The following SCLT1 variants were observed in gnomAD, a reference collection of about 807,000 sequenced individuals.
SCLT1 encodes the protein sodium channel and clathrin linker 1, also known as sodium channel-associated protein 1.
A neutral mutation model predicts 112.8 loss-of-function variants in SCLT1; 78 were observed. That is an observed-to-expected ratio of 0.69 (90% CI 0.58 to 0.83). The LOEUF (loss-of-function observed/expected upper bound fraction) is 0.83, where lower values mean the gene tolerates loss of function less well. Among genes scored for constraint, SCLT1 ranks in the 40% least tolerant of loss-of-function variants. SCLT1 has a pLI of 0.00. For synonymous variants in SCLT1, 257 were observed against 254.7 expected, an observed-to-expected ratio of 1.01 and a Z score of -0.09; for missense variants, 747 against 770.4, an observed-to-expected ratio of 0.97 and a Z score of 0.36.
At chr4:128,991,209 T>A (rs769851585) in intron 9 of SCLT1, among the ~76,000 whole-genome samples, 23 of 151,904 alleles carry the variant, frequency 1.5e-4, no homozygotes, top group Non-Finnish European at 2.4e-4. Context: ...CAAAACAGAA[T>A]GGTACTGGCA....
At chr4:129,063,006 C>A (rs1358791314) in intron 2 of SCLT1, among the ~76,000 whole-genome samples, 1 of 152,166 alleles carries the variant, frequency 6.6e-6, no homozygotes, top group East Asian at 1.9e-4. Flanking sequence ...CTGAGACTCT[C>A]ACAATCTGTG....
chr4:129,064,391 T>C (rs1486521416), intron 2 of SCLT1, among the ~76,000 whole-genome samples: 1 of 152,150 alleles, frequency 6.6e-6, no homozygotes, highest in African/African-American at 2.4e-5. Context: ...TCAAAAATTC[T>C]TTTTCTAGCT....
intron 1 of SCLT1, among the ~76,000 whole-genome samples, chr4:129,087,620 G>T (rs957799144): frequency 2.6e-5 from 4 of 151,684 alleles, no homozygotes; most frequent in East Asian, 3.9e-4. Context: ...CAGGTGCAGT[G>T]GCACATGCCT....
chr4:129,068,424 T>C (rs1275973452), intron 2 of SCLT1, among the ~76,000 whole-genome samples: 1 of 152,128 alleles, frequency 6.6e-6, no homozygotes, highest in Non-Finnish European at 1.5e-5. Context: ...CTTGCAGGAG[T>C]AAGGTGGTAT....
intron 9 of SCLT1, among the ~76,000 whole-genome samples, chr4:128,973,492 GAGGGA>G (rs1740878758): frequency 2.6e-5 from 4 of 150,976 alleles, no homozygotes; most frequent in East Asian, 2.0e-4. Flanking sequence ...GAGAGAGGGA[GAGGGA>G]AAGAGAGGGA....
chr4:128,932,443 T>A (rs1474952751), intron 18 of SCLT1, among the ~76,000 whole-genome samples: 1 of 152,166 alleles, frequency 6.6e-6, no homozygotes, highest in Non-Finnish European at 1.5e-5. Flanking sequence ...ACATATTTCC[T>A]ACCCAAAATA....
At chr4:128,923,698 G>C (rs1736062570) in intron 18 of SCLT1, among the ~76,000 whole-genome samples, 1 of 151,052 alleles carries the variant, frequency 6.6e-6, no homozygotes, top group Admixed American at 6.6e-5. Flanking sequence ...TCAGTGGTTT[G>C]TTCCTTTTTA....
At chr4:128,957,000 T>C in intron 13 of SCLT1, 26 bp downstream of exon 13, 1 of 1,309,338 alleles carries the variant, frequency 7.6e-7, no homozygotes, top group Non-Finnish European at 1.1e-6. Flanking sequence ...AAATTCTGAA[T>C]TTTAAATATA....
At chr4:129,069,288 T>A (rs1162956186) in intron 2 of SCLT1, among the ~76,000 whole-genome samples, 1 of 152,170 alleles carries the variant, frequency 6.6e-6, no homozygotes, top group African/African-American at 2.4e-5. Context: ...AATTTTAGAA[T>A]TGTTTTTTCT....
chr4:129,063,744 G>T (rs1310289177), intron 2 of SCLT1, among the ~76,000 whole-genome samples: 2 of 152,188 alleles, frequency 1.3e-5, no homozygotes, highest in Non-Finnish European at 2.9e-5. Context: ...AGCCCTGACT[G>T]TGAGTCCCTC....
At chr4:129,032,042 A>G (rs894833099) in intron 5 of SCLT1, among the ~76,000 whole-genome samples, 24 of 152,236 alleles carry the variant, frequency 1.6e-4, no homozygotes, top group African/African-American at 5.8e-4. Context: ...CTAAGCAAAA[A>G]GAACAAAGCT....
chr4:128,939,534 C>G (rs1278834866), intron 17 of SCLT1, among the ~76,000 whole-genome samples: 1 of 152,062 alleles, frequency 6.6e-6, no homozygotes, highest in East Asian at 1.9e-4. Flanking sequence ...TTTATGGTCT[C>G]TCTTCTTTCT....
intron 2 of SCLT1, among the ~76,000 whole-genome samples, chr4:129,053,557 ATTTTTTTTTTTTTTTTTTTT>A (rs528905688): frequency 0.011 from 509 of 45,300 alleles, 32 homozygotes; most frequent in Middle Eastern, 0.08. Flanking sequence ...GCAATCCCTG[ATTTTTTTTTTTTTTTTTTTT>A]TTTTTTTTTT....
At chr4:129,073,899 T>C (rs965240833) in intron 2 of SCLT1, among the ~76,000 whole-genome samples, 7 of 152,154 alleles carry the variant, frequency 4.6e-5, no homozygotes, top group Non-Finnish European at 1.0e-4. Flanking sequence ...AATACAACTC[T>C]CATTTTCTCA....
intron 5 of SCLT1, chr4:129,037,389 T>C (rs1410498799): frequency 6.6e-6 from 1 of 152,144 alleles, no homozygotes; most frequent in Non-Finnish European, 1.5e-5. Flanking sequence ...GAGAGGCATT[T>C]AAGGGAGATA....
intron 18 of SCLT1, among the ~76,000 whole-genome samples, chr4:128,905,547 A>T (rs983677078): frequency 6.6e-6 from 1 of 151,990 alleles, no homozygotes; most frequent in Admixed American, 6.6e-5. Context: ...TTAAAATAGT[A>T]CTACTTAAAC....
chr4:129,025,061 A>C (rs1413225006), intron 5 of SCLT1, among the ~76,000 whole-genome samples: 1 of 152,232 alleles, frequency 6.6e-6, no homozygotes, highest in African/African-American at 2.4e-5. Flanking sequence ...AAAAGACCAA[A>C]TCTACGTCTG....
At chr4:128,906,695 TAGAA>T (rs148945170) in intron 18 of SCLT1, among the ~76,000 whole-genome samples, 32,892 of 152,050 alleles carry the variant, frequency 0.22, 4,190 homozygotes, top group African/African-American at 0.35. Flanking sequence ...GTGCTCATCT[TAGAA>T]GGAGTTTGGG....
intron 5 of SCLT1, among the ~76,000 whole-genome samples, chr4:129,027,378 G>T (rs1402031407): frequency 2.6e-5 from 4 of 152,294 alleles, no homozygotes; most frequent in African/African-American, 9.6e-5. Context: ...TCATCCCTGG[G>T]ATGCAAAGCT....
Sources: gnomAD v4.1 joint callset for allele counts (sites outside exome capture counted in the v4.1 genomes callset) on GRCh38, gnomAD v4.1.1 for gene constraint, MANE v1.5 for transcripts, NCBI Gene and HGNC (gene_info 2026-07-23, HGNC 2026-07-21) for gene names.